AFG2A: variants seen among roughly 807,000 people sequenced by gnomAD.
AFG2A encodes AAA ATPase AFG2A.
chr4:123,123,951 C>CAAAAAAAAA, the AFG2A span, among the ~76,000 whole-genome samples: 1 of 35,766 alleles, frequency 2.8e-5, no homozygotes, highest in African/African-American at 1.0e-4. Context: ...AACTCCGTCT[C>CAAAAAAAAA]AAAAAAAAAA....
chr4:123,137,234 C>A, the AFG2A span, among the ~76,000 whole-genome samples: 1 of 152,066 alleles, frequency 6.6e-6, no homozygotes, highest in African/African-American at 2.4e-5. Flanking sequence ...GGTTGATGAC[C>A]CCTGATTTAG....
At chr4:122,985,750 A>ATT in the AFG2A span, among the ~76,000 whole-genome samples, 1 of 129,940 alleles carries the variant, frequency 7.7e-6, no homozygotes, top group African/African-American at 2.8e-5. Context: ...TATCTTTTGT[A>ATT]TTTTTTTTTT....
At chr4:123,282,814 AAAG>A in the AFG2A span, among the ~76,000 whole-genome samples, 1 of 145,000 alleles carries the variant, frequency 6.9e-6, no homozygotes, top group Non-Finnish European at 1.5e-5. Context: ...AGGGGGGAGA[AAAG>A]AAGAAGGAAG....
chr4:122,930,800 A>T, the AFG2A span, among the ~76,000 whole-genome samples: 1 of 152,174 alleles, frequency 6.6e-6, no homozygotes, highest in East Asian at 1.9e-4. Context: ...ATTTATGATG[A>T]CCTACAAACT....
chr4:123,182,156 G>A, the AFG2A span, among the ~76,000 whole-genome samples: 10 of 152,156 alleles, frequency 6.6e-5, no homozygotes, highest in Admixed American at 2.6e-4. Context: ...CTAAGATACC[G>A]TTATAAAGCA....
At chr4:123,123,774 CG>C in the AFG2A span, among the ~76,000 whole-genome samples, 1 of 150,996 alleles carries the variant, frequency 6.6e-6, no homozygotes, top group Non-Finnish European at 1.5e-5. Context: ...GGTGAAACCC[CG>C]TCTCTACTAA....
the AFG2A span, among the ~76,000 whole-genome samples, chr4:123,308,387 G>A: frequency 1.3e-5 from 2 of 152,234 alleles, no homozygotes; most frequent in East Asian, 3.9e-4. Flanking sequence ...CCATGCACCG[G>A]TACTGGTCCG....
chr4:123,305,445 G>A, the AFG2A span, among the ~76,000 whole-genome samples: 1 of 152,252 alleles, frequency 6.6e-6, no homozygotes, highest in African/African-American at 2.4e-5. Context: ...AGCCAATAGC[G>A]AGGACATGCT....
At chr4:122,960,075 G>A in the AFG2A span, among the ~76,000 whole-genome samples, 14 of 152,152 alleles carry the variant, frequency 9.2e-5, no homozygotes, top group African/African-American at 2.4e-5. Context: ...AAGAGCTAAT[G>A]TTTTGTAGTT....
the AFG2A span, among the ~76,000 whole-genome samples, chr4:123,090,978 T>C: frequency 2.0e-5 from 3 of 152,216 alleles, no homozygotes; most frequent in African/African-American, 7.2e-5. Flanking sequence ...AGCTAGTCTC[T>C]CAAGGTTCAG....
chr4:122,955,205 A>G, the AFG2A span, among the ~76,000 whole-genome samples: 3 of 152,126 alleles, frequency 2.0e-5, no homozygotes, highest in African/African-American at 7.2e-5. Context: ...TGCTTGCAAA[A>G]AGCATGCAGC....
At chr4:123,185,390 C>T in the AFG2A span, among the ~76,000 whole-genome samples, 3 of 151,840 alleles carry the variant, frequency 2.0e-5, no homozygotes, top group African/African-American at 4.8e-5. Flanking sequence ...TTGACACTAC[C>T]CTTTACTCTG....
At chr4:122,926,850 A>G in the AFG2A span, among the ~76,000 whole-genome samples, 3 of 152,244 alleles carry the variant, frequency 2.0e-5, no homozygotes, top group Admixed American at 2.0e-4. Flanking sequence ...CACTGTAAGC[A>G]TTGGAGATAC....
the AFG2A span, among the ~76,000 whole-genome samples, chr4:122,927,027 A>T: frequency 6.6e-6 from 1 of 152,142 alleles, no homozygotes; most frequent in Non-Finnish European, 1.5e-5. Flanking sequence ...GGTGGGGTGG[A>T]TAGAAAGGAG....
chr4:123,071,516 C>T, the AFG2A span, among the ~76,000 whole-genome samples: 912 of 151,596 alleles, frequency 6.0e-3, 8 homozygotes, highest in African/African-American at 0.021. Flanking sequence ...ACTTGTTTCT[C>T]TTATTCTGTG....
chr4:123,045,388 A>G, the AFG2A span, among the ~76,000 whole-genome samples: 1 of 152,184 alleles, frequency 6.6e-6, no homozygotes, highest in Non-Finnish European at 1.5e-5. Context: ...TTGTCACTCA[A>G]GTTTTGTCAG....
At chr4:123,141,264 GC>G in the AFG2A span, among the ~76,000 whole-genome samples, 1 of 152,164 alleles carries the variant, frequency 6.6e-6, no homozygotes, top group African/African-American at 2.4e-5. Context: ...TGTTCTGGGT[GC>G]TTTTAAAAAT....
the AFG2A span, among the ~76,000 whole-genome samples, chr4:123,111,847 C>T: frequency 1.3e-5 from 2 of 152,086 alleles, no homozygotes; most frequent in Admixed American, 1.3e-4. Context: ...AGTCATTCTT[C>T]TGCCTCAGCC....
the AFG2A span, among the ~76,000 whole-genome samples, chr4:122,960,270 A>G: frequency 6.6e-6 from 1 of 152,232 alleles, no homozygotes; most frequent in Admixed American, 6.5e-5. Flanking sequence ...AAAATTTATA[A>G]TGTTTTAAAT....
Sources: gnomAD v4.1 joint callset for allele counts (sites outside exome capture counted in the v4.1 genomes callset) on GRCh38, gnomAD v4.1.1 for gene constraint, MANE v1.5 for transcripts, NCBI Gene and HGNC (gene_info 2026-07-23, HGNC 2026-07-21) for gene names.